Variants in GFRA1 observed in about 807,000 individuals in gnomAD.
GFRA1 encodes GDNF family receptor alpha-1.
Under a neutral mutation model 51.6 loss-of-function variants are expected in GFRA1, and 16 were observed. The observed-to-expected ratio is 0.31, with a 90% CI of 0.21 to 0.47. The LOEUF (loss-of-function observed/expected upper bound fraction) is 0.47. Among genes scored for constraint, GFRA1 ranks in the 20% least tolerant of loss-of-function variants. GFRA1 has a pLI of 1.00. For missense variants in GFRA1, 530 were observed against 594.3 expected, an observed-to-expected ratio of 0.89 and a Z score of 1.13; for synonymous variants, 270 against 241.3, an observed-to-expected ratio of 1.12 and a Z score of -1.10.
chr10:116,243,341 T>C (rs997445262), intron 4 of GFRA1, among the ~76,000 whole-genome samples: 1 of 152,084 alleles, frequency 6.6e-6, no homozygotes, highest in Non-Finnish European at 1.5e-5. Context: ...ACAGGAAGTA[T>C]TCAATAACCC....
At chr10:116,212,872 T>G (rs1273414430) in intron 4 of GFRA1, among the ~76,000 whole-genome samples, 1 of 152,226 alleles carries the variant, frequency 6.6e-6, no homozygotes, top group Non-Finnish European at 1.5e-5. Flanking sequence ...TTCACAAACT[T>G]ATGTACAAAT....
intron 4 of GFRA1, among the ~76,000 whole-genome samples, chr10:116,219,602 G>A (rs1169682982): frequency 2.0e-5 from 3 of 152,118 alleles, no homozygotes; most frequent in Non-Finnish European, 2.9e-5. Flanking sequence ...ATCAGAAGAA[G>A]CCACATTAAG....
intron 4 of GFRA1, among the ~76,000 whole-genome samples, chr10:116,223,100 G>C (rs1589886020): frequency 6.6e-6 from 1 of 152,048 alleles, no homozygotes; most frequent in Non-Finnish European, 1.5e-5. Context: ...GACTATACTT[G>C]CCTGGATTCT....
intron 4 of GFRA1, among the ~76,000 whole-genome samples, chr10:116,217,457 T>C (rs1224741287): frequency 6.6e-6 from 1 of 152,214 alleles, no homozygotes; most frequent in Non-Finnish European, 1.5e-5. Context: ...ATCCTAGCCA[T>C]ACTGGACTAG....
chr10:116,229,527 A>C (rs925579877), intron 4 of GFRA1, among the ~76,000 whole-genome samples: 6 of 152,178 alleles, frequency 3.9e-5, no homozygotes, highest in Admixed American at 2.0e-4. Flanking sequence ...GGAAGGAGAT[A>C]AGGGAAATGA....
chr10:116,174,193 G>A (rs1480478085), intron 5 of GFRA1, among the ~76,000 whole-genome samples: 1 of 151,822 alleles, frequency 6.6e-6, no homozygotes, highest in African/African-American at 2.4e-5. Context: ...CCTACAAAAA[G>A]TGATTGTGTC....
chr10:116,190,527 G>T (rs2134320097), intron 5 of GFRA1, among the ~76,000 whole-genome samples: 1 of 152,258 alleles, frequency 6.6e-6, no homozygotes, highest in East Asian at 1.9e-4. Flanking sequence ...TCCTGCAGAA[G>T]CCTGAAGAAT....
chr10:116,244,228 A>C (rs952938954), intron 4 of GFRA1, among the ~76,000 whole-genome samples: 2 of 151,544 alleles, frequency 1.3e-5, no homozygotes, highest in Non-Finnish European at 2.9e-5. Context: ...AATCTGAAAA[A>C]CTGCCTTATA....
chr10:116,133,945 C>T (rs1000560777), intron 5 of GFRA1, among the ~76,000 whole-genome samples: 5 of 152,230 alleles, frequency 3.3e-5, no homozygotes, highest in Non-Finnish European at 5.9e-5. Flanking sequence ...AAGTAAGAGG[C>T]TATCACTGTG....
At chr10:116,234,828 G>T (rs982531007) in intron 4 of GFRA1, among the ~76,000 whole-genome samples, 1 of 152,056 alleles carries the variant, frequency 6.6e-6, no homozygotes, top group Non-Finnish European at 1.5e-5. Flanking sequence ...ACATTTCATG[G>T]GAGGGACCCG....
At chr10:116,108,175 G>A in intron 6 of GFRA1, among the ~76,000 whole-genome samples, 1 of 152,090 alleles carries the variant, frequency 6.6e-6, no homozygotes, top group South Asian at 2.1e-4. Flanking sequence ...TAATAGGCTT[G>A]CAGACTTCCT....
intron 4 of GFRA1, among the ~76,000 whole-genome samples, chr10:116,216,728 C>A (rs746294895): frequency 1.3e-5 from 2 of 152,134 alleles, no homozygotes; most frequent in Non-Finnish European, 2.9e-5. Context: ...AGCTGTCTTG[C>A]GAGTCCTCCT....
intron 4 of GFRA1, among the ~76,000 whole-genome samples, chr10:116,264,936 G>T (rs1045831432): frequency 6.6e-6 from 1 of 152,176 alleles, no homozygotes; most frequent in Non-Finnish European, 1.5e-5. Flanking sequence ...GCTTTCTCTC[G>T]TCATGACCTG....
intron 5 of GFRA1, among the ~76,000 whole-genome samples, chr10:116,140,070 G>A (rs10450386): frequency 1 from 152,059 of 152,312 alleles, 75,904 homozygotes; most frequent in Non-Finnish European, 1. Context: ...TCTTCTTCCC[G>A]TGGCATTAGC....
At chr10:116,240,044 T>C (rs975057647) in intron 4 of GFRA1, among the ~76,000 whole-genome samples, 3 of 152,148 alleles carry the variant, frequency 2.0e-5, no homozygotes, top group African/African-American at 7.2e-5. Flanking sequence ...AAGCAGGTGT[T>C]CGTCGATTTC....
At chr10:116,155,660 G>T (rs1305226433) in intron 5 of GFRA1, among the ~76,000 whole-genome samples, 1 of 152,182 alleles carries the variant, frequency 6.6e-6, no homozygotes. Flanking sequence ...GGCAAAGCTT[G>T]GAAACCAATG....
chr10:116,171,070 C>T (rs921048590), intron 5 of GFRA1, among the ~76,000 whole-genome samples: 5 of 152,198 alleles, frequency 3.3e-5, no homozygotes, highest in African/African-American at 1.2e-4. Flanking sequence ...GGAACTGCAT[C>T]CTATTTTCAT....
chr10:116,187,521 T>C (rs2134304624), intron 5 of GFRA1, among the ~76,000 whole-genome samples: 1 of 152,292 alleles, frequency 6.6e-6, no homozygotes, highest in South Asian at 2.1e-4. Flanking sequence ...TAAAGCCAAA[T>C]TAACATAATA....
chr10:116,109,425 G>T (rs1260813701), intron 6 of GFRA1, among the ~76,000 whole-genome samples: 1 of 152,124 alleles, frequency 6.6e-6, no homozygotes, highest in Non-Finnish European at 1.5e-5. Flanking sequence ...CATTCTTTTT[G>T]GTTAATAGCG....
Sources: gnomAD v4.1 joint callset for allele counts (sites outside exome capture counted in the v4.1 genomes callset) on GRCh38, gnomAD v4.1.1 for gene constraint, MANE v1.5 for transcripts, NCBI Gene and HGNC (gene_info 2026-07-23, HGNC 2026-07-21) for gene names.